ARHGAP8: variants seen among roughly 807,000 people sequenced by gnomAD.
The protein encoded by ARHGAP8 is rho GTPase-activating protein 8.
Under a neutral mutation model 46.1 loss-of-function variants are expected in ARHGAP8, and 62 were observed. The observed-to-expected ratio is 1.34, with a 90% CI of 1.10 to 1.66. ARHGAP8 has a LOEUF of 1.66. ARHGAP8 is among the 40% of genes most tolerant of loss of function. ARHGAP8 has a pLI of 0.00. For missense variants in ARHGAP8, 923 were observed against 568.4 expected, an observed-to-expected ratio of 1.62 and a Z score of -6.34; for synonymous variants, 375 against 243.1, an observed-to-expected ratio of 1.54 and a Z score of -5.05.
At chr22:44,814,907 C>A (rs540805867) in intron 5 of ARHGAP8, 149 bp downstream of exon 5, 2 of 890,792 alleles carry the variant, frequency 2.2e-6, no homozygotes, top group Non-Finnish European at 1.7e-6. Context: ...CTGGGGTCTG[C>A]GGGGGGTCAC....
intron 5 of ARHGAP8, among the ~76,000 whole-genome samples, chr22:44,815,774 C>T (rs1056968574): frequency 1.3e-5 from 2 of 152,088 alleles, no homozygotes; most frequent in Non-Finnish European, 2.9e-5. Context: ...CTGCCTGGGT[C>T]GCATGGGCAT....
At chr22:44,791,440 G>C (rs5765015) in intron 2 of ARHGAP8, among the ~76,000 whole-genome samples, 1 of 152,006 alleles carries the variant, frequency 6.6e-6, no homozygotes. Flanking sequence ...GCAGTGGCTC[G>C]TGCCTGTAAT....
chr22:44,813,639 CTACACACACA>C (rs1383262702), intron 4 of ARHGAP8, among the ~76,000 whole-genome samples: 1 of 150,930 alleles, frequency 6.6e-6, no homozygotes, highest in African/African-American at 2.4e-5. Context: ...CTACACACAC[CTACACACACA>C]CCCACACACC....
intron 2 of ARHGAP8, among the ~76,000 whole-genome samples, chr22:44,787,919 CTTTTTTTTTTT>C (rs1194920444): frequency 1.1e-5 from 1 of 89,066 alleles, no homozygotes; most frequent in Admixed American, 1.1e-4. Context: ...CCCAAATGTC[CTTTTTTTTTTT>C]TTTTTTTTTT....
chr22:44,818,273 AC>A (rs1261273781), intron 5 of ARHGAP8, among the ~76,000 whole-genome samples: 11 of 151,970 alleles, frequency 7.2e-5, no homozygotes, highest in Non-Finnish European at 1.3e-4. Flanking sequence ...ACATGGTGAA[AC>A]CCCGTCTCTA....
At chr22:44,840,819 G>A (rs542624107) in intron 7 of ARHGAP8, among the ~76,000 whole-genome samples, 5 of 152,322 alleles carry the variant, frequency 3.3e-5, no homozygotes, top group Admixed American at 6.5e-5. Flanking sequence ...CCGCGTCCTC[G>A]CGTGGAGAAA....
At chr22:44,854,846 A>G (rs1202688958) in intron 10 of ARHGAP8, among the ~76,000 whole-genome samples, 2 of 152,136 alleles carry the variant, frequency 1.3e-5, no homozygotes, top group Non-Finnish European at 2.9e-5. Context: ...CCATGTTGCC[A>G]TGTTGGCCAG....
intron 1 of ARHGAP8, among the ~76,000 whole-genome samples, chr22:44,760,422 G>A (rs8135196): frequency 0.04 from 6,051 of 152,226 alleles, 414 homozygotes; most frequent in African/African-American, 0.14. Context: ...ATGACTGTGT[G>A]CAAGCTTCTT....
intron 7 of ARHGAP8, among the ~76,000 whole-genome samples, chr22:44,840,106 G>A (rs1396596370): frequency 6.6e-6 from 1 of 152,224 alleles, no homozygotes; most frequent in Non-Finnish European, 1.5e-5. Flanking sequence ...GATCACAGGT[G>A]GGAAGAGTCA....
intron 1 of ARHGAP8, among the ~76,000 whole-genome samples, chr22:44,771,775 G>A (rs188939799): frequency 7.2e-4 from 109 of 150,770 alleles, no homozygotes; most frequent in African/African-American, 1.8e-3. Context: ...GGCTGGTCTC[G>A]AACTCCTGAC....
chr22:44,785,231 C>T (rs1476294134), intron 1 of ARHGAP8, among the ~76,000 whole-genome samples: 3 of 152,272 alleles, frequency 2.0e-5, no homozygotes, highest in East Asian at 3.9e-4. Context: ...TCACCAGCCT[C>T]GTCATGCCCT....
At chr22:44,762,546 T>C (rs78137783) in intron 1 of ARHGAP8, among the ~76,000 whole-genome samples, 75 of 139,990 alleles carry the variant, frequency 5.4e-4, no homozygotes, top group Non-Finnish European at 9.2e-4. Flanking sequence ...TCTCTCTCTT[T>C]TTTTTTTTTT....
intron 1 of ARHGAP8, among the ~76,000 whole-genome samples, chr22:44,779,258 G>A (rs1005301282): frequency 1.4e-4 from 21 of 151,572 alleles, no homozygotes; most frequent in African/African-American, 5.1e-4. Flanking sequence ...CACCATCCAC[G>A]CCTGGCTAAT....
At chr22:44,779,548 G>A (rs986243043) in intron 1 of ARHGAP8, among the ~76,000 whole-genome samples, 2 of 145,362 alleles carry the variant, frequency 1.4e-5, no homozygotes, top group South Asian at 2.2e-4. Flanking sequence ...TTACATGGGC[G>A]GTTTCCAGTT....
At chr22:44,795,148 T>C (rs1927990428) in intron 2 of ARHGAP8, among the ~76,000 whole-genome samples, 1 of 152,018 alleles carries the variant, frequency 6.6e-6, no homozygotes, top group African/African-American at 2.4e-5. Flanking sequence ...AACAGCTCAC[T>C]CTCAGAGTTC....
At chr22:44,829,944 G>A (rs533397335) in intron 7 of ARHGAP8, among the ~76,000 whole-genome samples, 1 of 152,266 alleles carries the variant, frequency 6.6e-6, no homozygotes, top group East Asian at 1.9e-4. Context: ...GGCAGGTACA[G>A]GGCAGAGCTT....
rs1245703411 is a variant in ARHGAP8 at position 44,845,129 on chromosome 22, G to T, written c.597-140G>T. 3.7e-5 allele frequency: 35 copies of T among 958,590 alleles called. 1 individual carries two copies. Among genetic ancestry groups the T allele is most frequent in the Non-Finnish European group, 5.4e-5 (35 of 652,940 alleles). 59.4% of individuals were successfully genotyped at this position (958,590 alleles called of 1,614,324 possible). On this transcript the variant is annotated intron_variant, in intron 7 of 11. Transcript: ENST00000356099. ...TCTTCAGACTTTCTACTTCCTGAGGGCTGAGCCTACCTCTCTCTTCCTGGA... is the reference window on the plus strand; with the variant it reads ...TCTTCAGACTTTCTACTTCCTGAGGTCTGAGCCTACCTCTCTCTTCCTGGA...
intron 10 of ARHGAP8, among the ~76,000 whole-genome samples, chr22:44,851,707 G>A (rs1305603160): frequency 2.0e-5 from 3 of 152,114 alleles, no homozygotes; most frequent in Admixed American, 2.0e-4. Flanking sequence ...GGGCTTGGTA[G>A]TGTATGCCTG....
At chr22:44,821,669 G>A (rs998977904) in intron 5 of ARHGAP8, among the ~76,000 whole-genome samples, 7 of 152,208 alleles carry the variant, frequency 4.6e-5, no homozygotes, top group Admixed American at 1.3e-4. Flanking sequence ...TCCACCAGAC[G>A]TCAGGCAGTG....
Sources: gnomAD v4.1 joint callset for allele counts (sites outside exome capture counted in the v4.1 genomes callset) on GRCh38, gnomAD v4.1.1 for gene constraint, MANE v1.5 for transcripts, NCBI Gene and HGNC (gene_info 2026-07-23, HGNC 2026-07-21) for gene names.